The following CNTNAP5 variants were observed in gnomAD, a reference collection of about 807,000 sequenced individuals.
The protein encoded by CNTNAP5 is contactin-associated protein-like 5.
In CNTNAP5, 72 loss-of-function variants were observed where a neutral mutation model predicts 150.2. That is an observed-to-expected ratio of 0.48 (90% confidence interval 0.40 to 0.58). The LOEUF (loss-of-function observed/expected upper bound fraction) is 0.58, where lower values mean the gene tolerates loss of function less well. Ranked by LOEUF, CNTNAP5 falls within the 20% of genes least tolerant of loss-of-function variation. The pLI is 0.00. For missense variants in CNTNAP5, 1,636 were observed against 1,626.2 expected (o/e 1.01, Z -0.10); for synonymous variants, 672 against 619.8 (o/e 1.08, Z -1.25).
intron 3 of CNTNAP5, among the ~76,000 whole-genome samples, chr2:124,410,504 A>C (rs1197041925): frequency 1.4e-5 from 2 of 144,870 alleles, no homozygotes; most frequent in Non-Finnish European, 3.1e-5. Flanking sequence ...GCAAATGTAA[A>C]AGAACAGAGA....
intron 3 of CNTNAP5, among the ~76,000 whole-genome samples, chr2:124,391,675 G>A (rs1691112479): frequency 6.6e-6 from 1 of 152,228 alleles, no homozygotes; most frequent in South Asian, 2.1e-4. Context: ...AGAAAGGGAG[G>A]CCGGGCGTGC....
chr2:124,259,669 T>C (rs1200000361), intron 3 of CNTNAP5, among the ~76,000 whole-genome samples: 4 of 152,206 alleles, frequency 2.6e-5, no homozygotes, highest in African/African-American at 9.6e-5. Context: ...TTGAAAAGTG[T>C]CTGTTCATAT....
intron 8 of CNTNAP5, among the ~76,000 whole-genome samples, chr2:124,510,128 A>T (rs1329467612): frequency 6.6e-6 from 1 of 151,668 alleles, no homozygotes; most frequent in Non-Finnish European, 1.5e-5. Context: ...GAATCACTTG[A>T]ACCCAGGAGG....
intron 1 of CNTNAP5, among the ~76,000 whole-genome samples, chr2:124,205,549 G>T (rs1187986775): frequency 6.6e-6 from 1 of 151,756 alleles, no homozygotes; most frequent in African/African-American, 2.4e-5. Flanking sequence ...CTCCCAAGTA[G>T]CTGGGACTAC....
chr2:124,822,408 T>C (rs568702397), intron 19 of CNTNAP5, among the ~76,000 whole-genome samples: 31 of 152,264 alleles, frequency 2.0e-4, no homozygotes, highest in Admixed American at 3.3e-4. Context: ...ACCAGTGTAT[T>C]AAAAACATAA....
intron 13 of CNTNAP5, among the ~76,000 whole-genome samples, chr2:124,692,273 T>A (rs539954289): frequency 6.6e-6 from 1 of 152,172 alleles, no homozygotes; most frequent in East Asian, 1.9e-4. Context: ...ATAGCTCATG[T>A]GGCCCACTGT....
At chr2:124,808,353 C>G (rs1199866684) in intron 19 of CNTNAP5, among the ~76,000 whole-genome samples, 4 of 152,078 alleles carry the variant, frequency 2.6e-5, no homozygotes, top group African/African-American at 9.7e-5. Flanking sequence ...TGCTTGTAAT[C>G]TCAGTACTTC....
At chr2:124,171,006 T>A (rs982702436) in intron 1 of CNTNAP5, among the ~76,000 whole-genome samples, 3 of 152,200 alleles carry the variant, frequency 2.0e-5, no homozygotes, top group Non-Finnish European at 4.4e-5. Context: ...TCCTTTCCCA[T>A]CTTCTCTACC....
intron 17 of CNTNAP5, among the ~76,000 whole-genome samples, chr2:124,777,775 A>ATGTGTG (rs35863925): frequency 0.032 from 4,222 of 130,648 alleles, 107 homozygotes; most frequent in East Asian, 0.051. Context: ...GAATGGAGGG[A>ATGTGTG]TGTGTGTGTG....
At chr2:124,578,785 G>GTAAATAAATAAA (rs530725325) in intron 11 of CNTNAP5, among the ~76,000 whole-genome samples, 2 of 151,494 alleles carry the variant, frequency 1.3e-5, no homozygotes, top group African/African-American at 4.9e-5. Context: ...AAATAAATAA[G>GTAAATAAATAAA]TAAATAAATA....
intron 14 of CNTNAP5, among the ~76,000 whole-genome samples, chr2:124,758,656 T>C (rs982579048): frequency 1.3e-5 from 2 of 151,954 alleles, no homozygotes; most frequent in Non-Finnish European, 2.9e-5. Flanking sequence ...ATGCAGGCAA[T>C]TATCTGAAGA....
At chr2:124,384,672 G>A (rs1185742613) in intron 3 of CNTNAP5, among the ~76,000 whole-genome samples, 1 of 152,136 alleles carries the variant, frequency 6.6e-6, no homozygotes, top group Non-Finnish European at 1.5e-5. Context: ...GTTCATCAGA[G>A]TTCAAAATCT....
chr2:124,568,844 G>A (rs180696411), intron 11 of CNTNAP5, among the ~76,000 whole-genome samples: 1,681 of 152,248 alleles, frequency 0.011, 17 homozygotes, highest in Middle Eastern at 0.031. Flanking sequence ...AGGAGATCGA[G>A]ACTATCCTGG....
chr2:124,202,822 C>G (rs1205705410), intron 1 of CNTNAP5, among the ~76,000 whole-genome samples: 3 of 152,110 alleles, frequency 2.0e-5, no homozygotes, highest in Non-Finnish European at 4.4e-5. Context: ...TCAATTACCT[C>G]CCACTGGGTC....
chr2:124,379,023 G>A (rs976285907), intron 3 of CNTNAP5, among the ~76,000 whole-genome samples: 1 of 151,652 alleles, frequency 6.6e-6, no homozygotes, highest in Non-Finnish European at 1.5e-5. Flanking sequence ...GCAGTTTTAA[G>A]TTCAGAGCAA....
chr2:124,869,572 G>C, intron 20 of CNTNAP5, 103 bp from the exon 21 acceptor site: 1 of 701,734 alleles, frequency 1.4e-6, no homozygotes, highest in Non-Finnish European at 2.5e-6. Context: ...AGGGGGGTCT[G>C]CTATCTGTAT....
At chr2:124,425,875 T>C (rs1288102206) in intron 4 of CNTNAP5, among the ~76,000 whole-genome samples, 1 of 152,196 alleles carries the variant, frequency 6.6e-6, no homozygotes, top group South Asian at 2.1e-4. Flanking sequence ...ATATGCTTAA[T>C]ACCTGCCAAT....
intron 9 of CNTNAP5, among the ~76,000 whole-genome samples, chr2:124,525,174 G>A (rs897315424): frequency 7.2e-5 from 11 of 152,162 alleles, no homozygotes; most frequent in Non-Finnish European, 1.2e-4. Flanking sequence ...TCTTTCAAAA[G>A]TATTTTTCAT....
intron 3 of CNTNAP5, among the ~76,000 whole-genome samples, chr2:124,375,787 A>G (rs1690633876): frequency 1.3e-5 from 2 of 152,120 alleles, no homozygotes; most frequent in South Asian, 4.1e-4. Context: ...TATTTCCAAA[A>G]AAAAGTTAAA....
Sources: gnomAD v4.1 joint callset for allele counts (sites outside exome capture counted in the v4.1 genomes callset) on GRCh38, gnomAD v4.1.1 for gene constraint, MANE v1.5 for transcripts, NCBI Gene and HGNC (gene_info 2026-07-23, HGNC 2026-07-21) for gene names.